TPCN1: variants seen among roughly 807,000 people sequenced by gnomAD.
The protein encoded by TPCN1 is two pore channel protein 1.
Under a neutral mutation model 108.8 loss-of-function variants are expected in TPCN1, and 52 were observed. The ratio of observed to expected loss-of-function variants is 0.48; its 90% CI spans 0.38 to 0.60. The LOEUF (loss-of-function observed/expected upper bound fraction) is 0.60. TPCN1 is among the 20% of genes least tolerant of loss of function. The pLI, the probability that TPCN1 is intolerant of heterozygous loss-of-function variation, is 0.00. For synonymous variants in TPCN1, 446 were observed against 433.7 expected, an observed-to-expected ratio of 1.03 and a Z score of -0.35; for missense variants, 806 against 1,072.8, an observed-to-expected ratio of 0.75 and a Z score of 3.47.
chr12:113,277,236 C>A lies in TPCN1; in HGVS notation c.1060-4C>A. The A allele has an allele frequency of 1.9e-6, 3 of 1,612,522 alleles. No homozygotes were observed. The highest frequency in any genetic ancestry group is 1.6e-4 in the Middle Eastern group (1 of 6,062). On this transcript the variant is annotated splice_polypyrimidine_tract_variant and splice_region_variant and intron_variant, in intron 11 of 27. Transcript: ENST00000335509. ...GTTCCACACTGCTCTTCCCTCTCCC[C>A]CAGAGGCCTGCCGGCATCTCCTACA... is the stretch of plus-strand genomic sequence containing the variant.
rs759368215 is a variant in TPCN1 at position 113,293,398 on chromosome 12, T to C, written c.2334+49T>C. The C allele has an allele frequency of 4.5e-6, 7 of 1,565,906 alleles. No homozygotes were observed. The African/African-American group carries it at 8.1e-5, about 18-fold the overall frequency. On this transcript the variant is annotated intron_variant, in intron 27 of 27. Coordinates refer to ENST00000335509, the MANE Select transcript of TPCN1 (RefSeq NM_017901.6). The stretch of plus-strand genomic sequence containing the variant: ...GCGAATCCTCCCCCAAGCTATGTCC[T>C]GGGAGGGGCAGGGAGCTGCTCTCTG...
chr12:113,249,564 A>G (rs1954548163), intron 2 of TPCN1: 1 of 152,288 alleles, frequency 6.6e-6, no homozygotes, highest in African/African-American at 2.4e-5. Context: ...CTGACCTGAC[A>G]GTCGTTGCTT....
chr12:113,263,775 G>A (rs1955136371), intron 3 of TPCN1, among the ~76,000 whole-genome samples: 1 of 152,228 alleles, frequency 6.6e-6, no homozygotes, highest in South Asian at 2.1e-4. Context: ...ATTTCTGTGT[G>A]GACTTGGACC....
chr12:113,273,685 C>T lies in TPCN1; in HGVS notation c.942+17C>T, dbSNP rs916670117. Reference sequence around the variant, plus strand: ...ATGAACCTGGTGAGTGACTATGCCTCAGGCTACGCTGAAGCAGCCTGCCCC... The same window carrying T: ...ATGAACCTGGTGAGTGACTATGCCTTAGGCTACGCTGAAGCAGCCTGCCCC... On this transcript the variant is annotated intron_variant, in intron 10 of 27. Coordinates refer to ENST00000335509, the MANE Select transcript of TPCN1 (RefSeq NM_017901.6). The surrounding 1 kb of genome is among the most constrained non-coding windows in gnomAD (Gnocchi z 4.0). 9 of 1,603,950 alleles carry T rather than the reference C, an allele frequency of 5.6e-6. No individual in the cohort carries two copies. The highest frequency in any genetic ancestry group is 5.1e-6 in the Non-Finnish European group (6 of 1,171,096).
At position 113,273,511 on chromosome 12, in the gene TPCN1, C is replaced by G. The variant is rs998327020; in HGVS notation, c.843-58C>G. On this transcript the variant is annotated intron_variant, in intron 9 of 27. Coordinates refer to ENST00000335509, the MANE Select transcript of TPCN1 (RefSeq NM_017901.6). The surrounding 1 kb of genome is among the most constrained non-coding windows in gnomAD (Gnocchi z 4.0). ...GGAGCTGTCCTCTGCAAGGCATGTGCTCTGAGAGGATGGAGACAGGCAGAT... is the reference window on the plus strand; with the variant it reads ...GGAGCTGTCCTCTGCAAGGCATGTGGTCTGAGAGGATGGAGACAGGCAGAT... The G allele has an allele frequency of 7.1e-7, 1 of 1,418,258 alleles. No homozygotes were observed. Among genetic ancestry groups the G allele is most frequent in the Non-Finnish European group, 1.0e-6 (1 of 1,002,092 alleles). 87.9% of individuals were successfully genotyped at this position (1,418,258 alleles called of 1,614,324 possible). A position where few individuals can be genotyped will look rare whatever the true frequency, so the allele number is the denominator to read the frequency against.
intron 24 of TPCN1, 96 bp from the exon 25 acceptor site, chr12:113,291,778 A>T: frequency 6.4e-7 from 1 of 1,569,714 alleles, no homozygotes; most frequent in Non-Finnish European, 8.8e-7. Flanking sequence ...GCTGGGTCCC[A>T]TCTGGCCGGA....
Position 113,297,245 on chromosome 12 carries a change from CTGCCACA to C in TPCN1, c.*1170_*1176del, listed in dbSNP as rs1956457073. 1 of 153,046 alleles carries C rather than the reference CTGCCACA, an allele frequency of 6.5e-6. No homozygotes were observed. Among genetic ancestry groups the C allele is most frequent in the African/African-American group, 2.4e-5 (1 of 41,458 alleles). 9.5% of individuals were successfully genotyped at this position (153,046 alleles called of 1,614,324 possible). A position where few individuals can be genotyped will look rare whatever the true frequency, so the allele number is the denominator to read the frequency against. ...AGGAGGGTTGCCAGCTGCAGTGACC[CTGCCACA>C]GAGGCAGGGTCAGTGCAGAGGTCGC... On this transcript the variant is annotated 3_prime_UTR_variant, in exon 28 of 28. Transcript: ENST00000335509. The surrounding 1 kb of genome is among the most constrained non-coding windows in gnomAD (Gnocchi z 4.4).
intron 15 of TPCN1, among the ~76,000 whole-genome samples, chr12:113,283,281 A>T (rs1029015137): frequency 1.1e-4 from 16 of 152,148 alleles, no homozygotes; most frequent in Non-Finnish European, 1.5e-4. Context: ...AGCATATTTT[A>T]TGCACTTTTT....
Position 113,288,098 on chromosome 12 carries a change from G to A in TPCN1, c.1635-65G>A, listed in dbSNP as rs1593204855. 2 of 1,503,320 alleles carry A rather than the reference G, an allele frequency of 1.3e-6. No individual in the cohort carries two copies. Among genetic ancestry groups the A allele is most frequent in the African/African-American group, 1.4e-5 (1 of 72,964 alleles). 93.1% of individuals were successfully genotyped at this position (1,503,320 alleles called of 1,614,324 possible). A position where few individuals can be genotyped will look rare whatever the true frequency, so the allele number is the denominator to read the frequency against. On this transcript the variant is annotated intron_variant, in intron 19 of 27. Coordinates refer to ENST00000335509, the MANE Select transcript of TPCN1 (RefSeq NM_017901.6). The surrounding 1 kb of genome is among the most constrained non-coding windows in gnomAD (Gnocchi z 4.8). ...GGCGTGTGGAAGGCGGGGCCGGCAT[G>A]TTCTGAGGGCGGGGGCTGAGGCGTG... is the stretch of plus-strand genomic sequence containing the variant.
intron 3 of TPCN1, among the ~76,000 whole-genome samples, chr12:113,265,427 C>T (rs1473021644): frequency 1.3e-5 from 2 of 152,166 alleles, no homozygotes; most frequent in East Asian, 3.8e-4. Context: ...TGTGGTTCCT[C>T]CCAGGCCCCT....
rs1956291879 is a variant in TPCN1, at chr12:113,292,236, C to G, written c.2113+278C>G. 9.4e-6 allele frequency: 4 copies of G among 424,182 alleles called. No individual in the cohort carries two copies. The East Asian group carries it at 1.4e-4, about 14-fold the overall frequency. 26.3% of individuals were successfully genotyped at this position (424,182 alleles called of 1,614,324 possible). On this transcript the variant is annotated intron_variant, in intron 25 of 27. Transcript: ENST00000335509. ...GAAAGGCTTATGTGGCAGCAGCAGC[C>G]CCTGCCCTGCCTTTCCCTCCCGTCC...
rs1955572837 is a variant in TPCN1 at position 113,273,484 on chromosome 12, A to G, written c.843-85A>G. ...AGGGTTGGAGGCTGGGAAGGCAGAC[A>G]AGGAGCTGTCCTCTGCAAGGCATGT... On this transcript the variant is annotated intron_variant, in intron 9 of 27. Transcript: ENST00000335509. This position sits in a 1 kb window ranked among gnomAD's most constrained non-coding sequence, Gnocchi z 4.0. 1.5e-6 allele frequency: 2 copies of G among 1,324,942 alleles called. No individual in the cohort carries two copies. The highest frequency in any genetic ancestry group is 2.3e-5 in the East Asian group (1 of 43,406). 82.1% of individuals were successfully genotyped at this position (1,324,942 alleles called of 1,614,324 possible).
intron 3 of TPCN1, among the ~76,000 whole-genome samples, chr12:113,263,296 C>T (rs1156750635): frequency 6.6e-6 from 1 of 152,234 alleles, no homozygotes; most frequent in East Asian, 1.9e-4. Context: ...CAGACTCTCA[C>T]TCCGTTGCCC....
chr12:113,264,477 G>A (rs1156697343), intron 3 of TPCN1, among the ~76,000 whole-genome samples: 3 of 152,144 alleles, frequency 2.0e-5, no homozygotes, highest in Middle Eastern at 3.4e-3. Flanking sequence ...TCAGGAGTTC[G>A]AGACCAGCCT....
At chr12:113,236,625 A>G (rs1364813411) in intron 2 of TPCN1, among the ~76,000 whole-genome samples, 1 of 151,922 alleles carries the variant, frequency 6.6e-6, no homozygotes, top group Non-Finnish European at 1.5e-5. Context: ...AAAAAGAAAA[A>G]AAAAAAAAGA....
At chr12:113,285,366 G>A (rs1956033530) in intron 17 of TPCN1, among the ~76,000 whole-genome samples, 1 of 151,044 alleles carries the variant, frequency 6.6e-6, no homozygotes, top group Non-Finnish European at 1.5e-5. Context: ...AGACAGGCAG[G>A]GAGGATTTCT....
At chr12:113,292,612 A>G (rs1956303907) in intron 25 of TPCN1, 1 of 236,200 alleles carries the variant, frequency 4.2e-6, no homozygotes, top group African/African-American at 2.3e-5. Flanking sequence ...GAAACAGAAA[A>G]CCCTGTGCCC....
chr12:113,225,228 A>G (rs930170122), intron 1 of TPCN1: 1 of 451,440 alleles, frequency 2.2e-6, no homozygotes, highest in African/African-American at 2.0e-5. Context: ...CTAATTTAAA[A>G]TTTTTTATTT....
At chr12:113,233,215 A>G (rs2136450131) in intron 2 of TPCN1, among the ~76,000 whole-genome samples, 1 of 152,048 alleles carries the variant, frequency 6.6e-6, no homozygotes, top group Admixed American at 6.5e-5. Context: ...CCTTTCCCGC[A>G]CACAAGACGC....
Sources: allele counts gnomAD v4.1 joint callset (sites outside exome capture counted in the v4.1 genomes callset), GRCh38; gene constraint gnomAD v4.1.1; non-coding constraint Gnocchi (gnomAD v3.1); transcripts MANE v1.5; gene names NCBI Gene and HGNC (gene_info 2026-07-23, HGNC 2026-07-21).